Variants in AGAP1 observed in about 807,000 individuals in gnomAD.
AGAP1 encodes the protein ArfGAP with GTPase domain, ankyrin repeat and PH domain 1.
A neutral mutation model predicts 105.3 loss-of-function variants in AGAP1; 29 were observed. The observed-to-expected ratio is 0.28, with a 90% CI of 0.21 to 0.38. The LOEUF (loss-of-function observed/expected upper bound fraction) is 0.38. Ranked by LOEUF, AGAP1 falls within the 10% of genes least tolerant of loss-of-function variation. The pLI, the probability that AGAP1 is intolerant of heterozygous loss-of-function variation, is 1.00. For synonymous variants in AGAP1, 509 were observed against 485.9 expected, an observed-to-expected ratio of 1.05 and a Z score of -0.63; for missense variants, 998 against 1,165.1, an observed-to-expected ratio of 0.86 and a Z score of 2.09.
At position 235,739,178 on chromosome 2, in the gene AGAP1, A is replaced by G. The variant is rs1290456305; in HGVS notation, c.311-1785A>G. On this transcript the variant is annotated intron_variant, in intron 3 of 17. Transcript: ENST00000304032. The surrounding 1 kb of genome is among the most constrained non-coding windows in gnomAD (Gnocchi z 5.3). ...CACTGAGATGGGGCGAGGTGGGGCA[A>G]GACTACACAGCTGTATGTGGCAGAG... 2.0e-5 allele frequency among the ~76,000 whole-genome samples: 3 copies of G among 150,070 alleles called. No homozygotes were observed. The highest frequency in any genetic ancestry group is 4.4e-5 in the Non-Finnish European group (3 of 68,024).
intron 9 of AGAP1, among the ~76,000 whole-genome samples, chr2:235,870,636 A>G (rs763412336): frequency 3.3e-5 from 5 of 152,142 alleles, no homozygotes; most frequent in Admixed American, 6.5e-5. Flanking sequence ...GGAAAAAAAA[A>G]AAAATGATGG....
At chr2:235,573,934 T>C (rs1256440524) in intron 1 of AGAP1, among the ~76,000 whole-genome samples, 1 of 152,170 alleles carries the variant, frequency 6.6e-6, no homozygotes, top group Admixed American at 6.5e-5. Context: ...TCCCAGCGGG[T>C]TGGCATTCTG....
chr2:235,746,156 G>A (rs1199430395), intron 5 of AGAP1, among the ~76,000 whole-genome samples: 2 of 151,572 alleles, frequency 1.3e-5, no homozygotes, highest in Non-Finnish European at 2.9e-5. Flanking sequence ...ATGTTGGCGG[G>A]TGTCTGTAAT....
intron 9 of AGAP1, among the ~76,000 whole-genome samples, chr2:235,851,819 T>G (rs893307430): frequency 6.6e-6 from 1 of 152,108 alleles, no homozygotes; most frequent in Non-Finnish European, 1.5e-5. Context: ...TAAAACCCAG[T>G]GTTTTGATGC....
rs1273731996 is a variant in AGAP1, at chr2:235,639,042, G to T, written c.164-70137G>T. On this transcript the variant is annotated intron_variant, in intron 1 of 17. Coordinates refer to ENST00000304032, the MANE Select transcript of AGAP1 (RefSeq NM_001037131.3). This position sits in a 1 kb window ranked among gnomAD's most constrained non-coding sequence, Gnocchi z 5.3. ...ACTGGTTAAAATAGTGTCAGTAGGG[G>T]TGGAGAGAAGGGGACAAAAGAGTCT... Among the ~76,000 whole-genome samples, 1 of 152,200 alleles carries T rather than the reference G, an allele frequency of 6.6e-6. No homozygotes were observed. Among genetic ancestry groups the T allele is most frequent in the East Asian group, 1.9e-4 (1 of 5,194 alleles).
rs865818977 is a variant in AGAP1 at position 235,744,069 on chromosome 2, T to C, written c.397-629T>C. On this transcript the variant is annotated intron_variant, in intron 4 of 17. Coordinates refer to ENST00000304032, the MANE Select transcript of AGAP1 (RefSeq NM_001037131.3). The surrounding 1 kb of genome is among the most constrained non-coding windows in gnomAD (Gnocchi z 5.2). ...CAAAGCAAGAACAAAATGGCGAGAGTGAGGCTATTGTGAAGTTTTCTTCCC... is the reference window on the plus strand; with the variant it reads ...CAAAGCAAGAACAAAATGGCGAGAGCGAGGCTATTGTGAAGTTTTCTTCCC... Among the ~76,000 whole-genome samples the C allele has an allele frequency of 3.3e-5, 5 of 151,748 alleles. No homozygotes were observed. In the South Asian group the frequency reaches 1.0e-3, roughly 32 times the overall value.
At chr2:235,508,106 C>CGTG (rs1559209969) in intron 1 of AGAP1, among the ~76,000 whole-genome samples, 1 of 152,084 alleles carries the variant, frequency 6.6e-6, no homozygotes, top group Non-Finnish European at 1.5e-5. Context: ...CTGCACAGGG[C>CGTG]GTGATCTCAT....
chr2:235,920,832 T>C (rs2052149599), intron 11 of AGAP1, among the ~76,000 whole-genome samples: 1 of 152,240 alleles, frequency 6.6e-6, no homozygotes, highest in African/African-American at 2.4e-5. Context: ...AAACCCACTG[T>C]TGATGAGATT....
In AGAP1 at chr2:236,105,262, G is replaced by C. The variant is rs1433112134; in HGVS notation, c.2115-14930G>C. On this transcript the variant is annotated intron_variant, in intron 16 of 17. Transcript: ENST00000304032. The surrounding 1 kb of genome is among the most constrained non-coding windows in gnomAD (Gnocchi z 4.2). ...ACATCCCACTTTAAGAACCCTGCATGCACACAGTCTTGCGTCAACTTCAGT... is the reference window on the plus strand; with the variant it reads ...ACATCCCACTTTAAGAACCCTGCATCCACACAGTCTTGCGTCAACTTCAGT... 6.6e-6 allele frequency among the ~76,000 whole-genome samples: 1 copy of C among 152,206 alleles called. No homozygotes were observed. The highest frequency in any genetic ancestry group is 1.5e-5 in the Non-Finnish European group (1 of 68,030).
rs780943477 is a variant in AGAP1, at chr2:235,596,697, G to A, written c.163+101848G>A. 6.6e-6 allele frequency among the ~76,000 whole-genome samples: 1 copy of A among 152,188 alleles called. No individual in the cohort carries two copies. Among genetic ancestry groups the A allele is most frequent in the Non-Finnish European group, 1.5e-5 (1 of 68,026 alleles). ...GACTTTTAGATAGAAGAGAAACCTC[G>A]GAGGTCAATCAGCTTTCACTCTTCC... On this transcript the variant is annotated intron_variant, in intron 1 of 17. Transcript: ENST00000304032. The surrounding 1 kb of genome is among the most constrained non-coding windows in gnomAD (Gnocchi z 5.9).
At chr2:235,534,954 G>A (rs935687753) in intron 1 of AGAP1, among the ~76,000 whole-genome samples, 7 of 152,162 alleles carry the variant, frequency 4.6e-5, no homozygotes, top group Non-Finnish European at 8.8e-5. Context: ...TCACTCAAGC[G>A]AGTGACAGTG....
intron 9 of AGAP1, among the ~76,000 whole-genome samples, chr2:235,810,294 C>T (rs1320708337): frequency 6.6e-6 from 1 of 152,200 alleles, no homozygotes; most frequent in African/African-American, 2.4e-5. Context: ...ATGTTCTCTG[C>T]TCTTGTCACT....
chr2:235,903,486 C>T (rs1043259764), intron 10 of AGAP1, among the ~76,000 whole-genome samples: 13 of 152,122 alleles, frequency 8.5e-5, no homozygotes, highest in African/African-American at 3.1e-4. Context: ...ATCAGCAAAC[C>T]ATCTTTTCAC....
rs145812434 is a variant in AGAP1, at chr2:236,071,147, G to A, written c.2114+21866G>A. Among the ~76,000 whole-genome samples, 22 of 152,362 alleles carry A rather than the reference G, an allele frequency of 1.4e-4. No individual in the cohort carries two copies. In the East Asian group the frequency reaches 4.0e-3, roughly 28 times the overall value. ...TGCCCAGTCGGGCTTGGAGGGCAGC[G>A]CTGGTTCATTTCTTTGACATCAGTG... On this transcript the variant is annotated intron_variant, in intron 16 of 17. Coordinates refer to ENST00000304032, the MANE Select transcript of AGAP1 (RefSeq NM_001037131.3).
chr2:235,937,950 G>T (rs2317004), intron 12 of AGAP1, among the ~76,000 whole-genome samples: 72,133 of 151,892 alleles, frequency 0.47, 17,314 homozygotes, highest in South Asian at 0.61. Context: ...TGCGGTTGCT[G>T]CGTTGCACAG....
At chr2:235,547,814 G>A (rs938408417) in intron 1 of AGAP1, among the ~76,000 whole-genome samples, 1 of 152,200 alleles carries the variant, frequency 6.6e-6, no homozygotes, top group African/African-American at 2.4e-5. Context: ...CTACTGTGGG[G>A]TTGGTCTTAT....
intron 1 of AGAP1, among the ~76,000 whole-genome samples, chr2:235,564,200 G>T (rs1388773287): frequency 6.6e-6 from 1 of 152,124 alleles, no homozygotes; most frequent in Non-Finnish European, 1.5e-5. Flanking sequence ...AAGTGATCTG[G>T]CTGCTCATGA....
chr2:235,695,689 A>G (rs1020004102), intron 1 of AGAP1, among the ~76,000 whole-genome samples: 1 of 152,200 alleles, frequency 6.6e-6, no homozygotes, highest in Non-Finnish European at 1.5e-5. Context: ...GGTCAGGCAG[A>G]GGGCCGGGCG....
chr2:235,615,631 G>A lies in AGAP1; in HGVS notation c.164-93548G>A, dbSNP rs1946283330. 6.6e-6 allele frequency among the ~76,000 whole-genome samples: 1 copy of A among 152,162 alleles called. No homozygotes were observed. Among genetic ancestry groups the A allele is most frequent in the Non-Finnish European group, 1.5e-5 (1 of 68,036 alleles). The stretch of plus-strand genomic sequence containing the variant: ...TTCCTCTGCTCCCCTGACTTCACAG[G>A]ATAGCTATGCATTTTGCCTCTTGGG... On this transcript the variant is annotated intron_variant, in intron 1 of 17. Coordinates refer to ENST00000304032, the MANE Select transcript of AGAP1 (RefSeq NM_001037131.3). This position sits in a 1 kb window ranked among gnomAD's most constrained non-coding sequence, Gnocchi z 5.0.
Sources: allele counts gnomAD v4.1 joint callset (sites outside exome capture counted in the v4.1 genomes callset), GRCh38; gene constraint gnomAD v4.1.1; non-coding constraint Gnocchi (gnomAD v3.1); transcripts MANE v1.5; gene names NCBI Gene and HGNC (gene_info 2026-07-23, HGNC 2026-07-21).